Variants in RUNX2 observed in about 807,000 individuals in gnomAD.
RUNX2 encodes the protein runt-related transcription factor 2.
A neutral mutation model predicts 51.7 loss-of-function variants in RUNX2; 10 were observed. The observed-to-expected ratio is 0.19, with a 90% CI of 0.12 to 0.33. RUNX2 has a LOEUF of 0.33. Ranked by LOEUF, RUNX2 falls within the 10% of genes least tolerant of loss-of-function variation. RUNX2 has a pLI of 1.00. For missense variants in RUNX2, 562 were observed against 691.3 expected (o/e 0.81, Z 2.10); for synonymous variants, 276 against 273.6 (o/e 1.01, Z -0.09).
At chr6:45,481,921 A>C (rs984744096) in intron 5 of RUNX2, among the ~76,000 whole-genome samples, 4 of 152,226 alleles carry the variant, frequency 2.6e-5, no homozygotes, top group African/African-American at 9.6e-5. Flanking sequence ...AACTCTGAAA[A>C]ATCCTAATTC....
intron 2 of RUNX2, among the ~76,000 whole-genome samples, chr6:45,358,945 AGGCTGATG>A (rs1482485580): frequency 6.6e-6 from 1 of 152,182 alleles, no homozygotes; most frequent in Non-Finnish European, 1.5e-5. Flanking sequence ...CTGCAATTTT[AGGCTGATG>A]GGTCTGTGAA....
intron 2 of RUNX2, among the ~76,000 whole-genome samples, chr6:45,405,442 G>A (rs1797812274): frequency 6.6e-6 from 1 of 152,276 alleles, no homozygotes; most frequent in East Asian, 1.9e-4. Flanking sequence ...AGCCAGTTGT[G>A]CACATCTCCT....
chr6:45,510,682 A>C (rs1801114985), intron 6 of RUNX2, among the ~76,000 whole-genome samples: 1 of 152,046 alleles, frequency 6.6e-6, no homozygotes, highest in Non-Finnish European at 1.5e-5. Flanking sequence ...TTCCAAGTGT[A>C]TTAACTCCAG....
At chr6:45,485,716 T>TATATATATATATATATATATATATAC (rs1554394671) in intron 5 of RUNX2, among the ~76,000 whole-genome samples, 20 of 126,506 alleles carry the variant, frequency 1.6e-4, no homozygotes, top group Admixed American at 2.5e-4. Context: ...TATATATATA[T>TATATATATATATATATATATATATAC]ACACATATTT....
At chr6:45,355,144 T>C (rs1792901258) in intron 2 of RUNX2, among the ~76,000 whole-genome samples, 1 of 151,418 alleles carries the variant, frequency 6.6e-6, no homozygotes, top group Admixed American at 6.6e-5. Context: ...CTGGCTTTTT[T>C]TTTTTTTTTT....
At chr6:45,475,834 A>G (rs1227059317) in intron 5 of RUNX2, among the ~76,000 whole-genome samples, 1 of 152,242 alleles carries the variant, frequency 6.6e-6, no homozygotes, top group Non-Finnish European at 1.5e-5. Flanking sequence ...ACTGGTACAT[A>G]AAATTATAGC....
chr6:45,533,177 C>T (rs1050643313), intron 7 of RUNX2, among the ~76,000 whole-genome samples: 18 of 151,722 alleles, frequency 1.2e-4, no homozygotes, highest in Admixed American at 9.9e-4. Flanking sequence ...GGAATGTTAT[C>T]GAACAGAGTA....
In RUNX2 at chr6:45,460,428, T is replaced by C. The variant is rs1799442256; in HGVS notation, c.685+22377T>C. Among the ~76,000 whole-genome samples, 3 of 152,312 alleles carry C rather than the reference T, an allele frequency of 2.0e-5. No individual in the cohort carries two copies. The South Asian group carries it at 6.2e-4, about 32-fold the overall frequency. ...GGCAAAAAAGATGTCAGTGCAAGGA[T>C]AGATTCAAAAGATCATTTGTTGAAA... On this transcript the variant is annotated intron_variant, in intron 5 of 8. Transcript: ENST00000647337.
intron 2 of RUNX2, among the ~76,000 whole-genome samples, chr6:45,360,817 A>T (rs747240160): frequency 2.3e-4 from 35 of 152,156 alleles, no homozygotes; most frequent in Non-Finnish European, 4.4e-4. Flanking sequence ...CTACAGACCT[A>T]AACGTAGGTA....
intron 5 of RUNX2, among the ~76,000 whole-genome samples, chr6:45,489,317 T>C (rs1300021857): frequency 3.3e-5 from 5 of 152,186 alleles, no homozygotes; most frequent in Non-Finnish European, 7.4e-5. Context: ...TTTTCACACT[T>C]ACCAGTCCTA....
intron 5 of RUNX2, among the ~76,000 whole-genome samples, chr6:45,446,859 A>G (rs1582121508): frequency 1.3e-5 from 2 of 152,214 alleles, no homozygotes; most frequent in Non-Finnish European, 2.9e-5. Context: ...GAAAAGGCAT[A>G]AAAACCATTT....
In RUNX2 at chr6:45,415,931, C is replaced by T. The variant is rs552720922; in HGVS notation, c.59-6662C>T. ...TATTGTCACTAATAGGAATATGAGT[C>T]AGGAAAAGATCCTGCCAATAACGAA... On this transcript the variant is annotated intron_variant, in intron 2 of 8. Coordinates refer to ENST00000647337, the MANE Select transcript of RUNX2 (RefSeq NM_001024630.4). 1.8e-4 allele frequency among the ~76,000 whole-genome samples: 28 copies of T among 152,190 alleles called. 1 individual carries two copies. Among genetic ancestry groups the T allele is most frequent in the Non-Finnish European group, 3.4e-4 (23 of 68,016 alleles).
At chr6:45,385,551 G>T (rs1367357981) in intron 2 of RUNX2, among the ~76,000 whole-genome samples, 1 of 152,128 alleles carries the variant, frequency 6.6e-6, no homozygotes, top group Non-Finnish European at 1.5e-5. Flanking sequence ...ATGATGAAAG[G>T]GAGTTAACAT....
chr6:45,384,034 ATTTC>A (rs1166598914), intron 2 of RUNX2, among the ~76,000 whole-genome samples: 2 of 152,184 alleles, frequency 1.3e-5, no homozygotes, highest in Non-Finnish European at 2.9e-5. Context: ...GTTTAAAACC[ATTTC>A]TTTAACTCAG....
intron 6 of RUNX2, among the ~76,000 whole-genome samples, chr6:45,493,550 A>G (rs370367799): frequency 2.0e-5 from 3 of 152,030 alleles, no homozygotes; most frequent in African/African-American, 4.8e-5. Context: ...CTTGAGTACA[A>G]TGATTGCTGT....
rs931546228 is a variant in RUNX2, at chr6:45,550,847, T to G, written c.*3542T>G. 1.3e-5 allele frequency: 2 copies of G among 152,792 alleles called. No individual in the cohort carries two copies. Among genetic ancestry groups the G allele is most frequent in the Non-Finnish European group, 1.5e-5 (1 of 68,042 alleles). 9.5% of individuals were successfully genotyped at this position (152,792 alleles called of 1,614,324 possible). On this transcript the variant is annotated 3_prime_UTR_variant, in exon 9 of 9. Coordinates refer to ENST00000647337, the MANE Select transcript of RUNX2 (RefSeq NM_001024630.4). ...CATTTTGTGTAAATACAAGCTTTCA[T>G]TTTTATTTTTTCCAATTGCTATTGC...
intron 2 of RUNX2, among the ~76,000 whole-genome samples, chr6:45,329,030 G>A (rs942651573): frequency 6.6e-6 from 1 of 151,920 alleles, no homozygotes. Context: ...TGATCAAAAT[G>A]TTTTCTAGAG....
intron 3 of RUNX2, among the ~76,000 whole-genome samples, chr6:45,431,475 C>A (rs988540257): frequency 2.6e-5 from 4 of 152,180 alleles, no homozygotes. Context: ...CACCTCAGGG[C>A]TCTCCCTGAG....
intron 2 of RUNX2, among the ~76,000 whole-genome samples, chr6:45,394,951 GGT>G (rs1255642357): frequency 5.3e-5 from 8 of 152,102 alleles, no homozygotes; most frequent in East Asian, 1.9e-4. Context: ...CTCAGGAATG[GGT>G]GTGTGTGGGG....
Sources: allele counts gnomAD v4.1 joint callset (sites outside exome capture counted in the v4.1 genomes callset), GRCh38; gene constraint gnomAD v4.1.1; transcripts MANE v1.5; gene names NCBI Gene and HGNC (gene_info 2026-07-23, HGNC 2026-07-21).